DNAAF10: variants seen among roughly 807,000 people sequenced by gnomAD.
DNAAF10 encodes WD repeat domain 92.
DNAAF10 carries 28 observed loss-of-function variants against 43.7 expected under a neutral mutation model. The observed-to-expected ratio is 0.64, with a 90% CI of 0.48 to 0.88. The LOEUF is 0.88. Ranked by LOEUF, DNAAF10 falls within the 40% of genes least tolerant of loss-of-function variation. DNAAF10 has a pLI of 0.00. For synonymous variants in DNAAF10, 156 were observed against 157.3 expected, an observed-to-expected ratio of 0.99 and a Z score of 0.06; for missense variants, 403 against 439.1, an observed-to-expected ratio of 0.92 and a Z score of 0.73.
At position 68,144,573 on chromosome 2, in the gene DNAAF10, A is replaced by G; in HGVS notation, c.415+12T>C. On this transcript the variant is annotated intron_variant, in intron 3 of 7. Coordinates refer to ENST00000295121, the MANE Select transcript of DNAAF10 (RefSeq NM_138458.4). ...AATAAATAAACAAAATACATAGAAT[A>G]CAGGGACTCACCATCTCGGCTGCCA... 1 of 1,613,436 alleles carries G rather than the reference A, an allele frequency of 6.2e-7. No individual in the cohort carries two copies. Among genetic ancestry groups the G allele is most frequent in the Non-Finnish European group, 8.5e-7 (1 of 1,179,864 alleles).
chr2:68,155,380 GCTA>G (rs1370574221), intron 1 of DNAAF10, among the ~76,000 whole-genome samples: 5 of 151,750 alleles, frequency 3.3e-5, no homozygotes, highest in Admixed American at 6.6e-5. Context: ...TGTAATTCCA[GCTA>G]CTAGGGAGGC....
At chr2:68,134,514 A>G in intron 7 of DNAAF10, 188 bp downstream of exon 7, 2 of 1,423,038 alleles carry the variant, frequency 1.4e-6, no homozygotes, top group South Asian at 1.5e-5. Context: ...ATTAGTGTAC[A>G]CTCTACTAAG....
At chr2:68,137,158 TTG>T in intron 6 of DNAAF10, 139 bp downstream of exon 6, 1 of 922,466 alleles carries the variant, frequency 1.1e-6, no homozygotes, top group Non-Finnish European at 1.5e-6. Context: ...ACAGAAAAAC[TTG>T]TCAAGATCTC....
chr2:68,136,281 G>C (rs1166806297), intron 6 of DNAAF10, among the ~76,000 whole-genome samples: 5 of 150,272 alleles, frequency 3.3e-5, no homozygotes, highest in African/African-American at 7.3e-5. Flanking sequence ...ACACTATTAT[G>C]TATAGATAAT....
intron 4 of DNAAF10, 74 bp downstream of exon 4, chr2:68,141,620 A>T: frequency 7.5e-7 from 1 of 1,338,126 alleles, no homozygotes; most frequent in Non-Finnish European, 1.1e-6. Flanking sequence ...TAAAGAGACT[A>T]CTGTGAAATT....
At chr2:68,151,707 T>C (rs567881662) in intron 1 of DNAAF10, among the ~76,000 whole-genome samples, 1 of 152,334 alleles carries the variant, frequency 6.6e-6, no homozygotes, top group South Asian at 2.1e-4. Flanking sequence ...TCTTTTCTCC[T>C]ACCATACTTT....
In DNAAF10 at chr2:68,137,322, C is replaced by G; in HGVS notation, c.745G>C (p.Gly249Arg). The G allele has an allele frequency of 6.2e-7, 1 of 1,611,272 alleles. No individual in the cohort carries two copies. Among genetic ancestry groups the G allele is most frequent in the South Asian group, 1.1e-5 (1 of 90,420 alleles). The change falls in exon 6 of 8, where the codon GGT (glycine) becomes CGT (arginine). Residue 249 changes from glycine (G) to arginine (R), a missense_variant. Transcript: ENST00000295121. Reference protein sequence around the residue: ...FDMRTQHPTKGFASVSEKAHK... With the variant: ...FDMRTQHPTKRFASVSEKAHK... The stretch of plus-strand genomic sequence containing the variant: ...ACCTTTTCTGAAACAGAGGCAAAAC[C>G]TTTGGTTGGATGCTGTGTTCTCATG...
intron 7 of DNAAF10, among the ~76,000 whole-genome samples, chr2:68,133,770 T>C (rs1216757459): frequency 1.3e-5 from 2 of 152,020 alleles, no homozygotes; most frequent in African/African-American, 4.8e-5. Flanking sequence ...AGATAAAGCA[T>C]TCGATCTGCT....
At chr2:68,153,549 C>T (rs1349421478) in intron 1 of DNAAF10, among the ~76,000 whole-genome samples, 1 of 151,898 alleles carries the variant, frequency 6.6e-6, no homozygotes, top group Non-Finnish European at 1.5e-5. Flanking sequence ...ACTCCAGATG[C>T]AACAAAGTTG....
chr2:68,151,024 T>C (rs1378346710), intron 1 of DNAAF10, among the ~76,000 whole-genome samples: 3 of 152,198 alleles, frequency 2.0e-5, no homozygotes, highest in Non-Finnish European at 2.9e-5. Context: ...TGACAACCAG[T>C]CTACACAATA....
chr2:68,138,690 G>A (rs568418076), intron 5 of DNAAF10, 52 bp downstream of exon 5: 7 of 1,308,462 alleles, frequency 5.3e-6, no homozygotes, highest in South Asian at 2.4e-5. Flanking sequence ...ATAGTTCAGA[G>A]GTGAATGGAA....
chr2:68,157,231 G>A (rs766475683), intron 1 of DNAAF10, 30 bp downstream of exon 1: 3 of 1,595,914 alleles, frequency 1.9e-6, no homozygotes, highest in South Asian at 2.3e-5. Context: ...CGCCCCCAAC[G>A]GCAGTCCGGA....
At chr2:68,134,205 T>C (rs1424299902) in intron 7 of DNAAF10, 2 of 987,256 alleles carry the variant, frequency 2.0e-6, no homozygotes, top group Non-Finnish European at 2.4e-6. Context: ...GTTAGCGCCC[T>C]TGGGATTCAG....
intron 4 of DNAAF10, among the ~76,000 whole-genome samples, 193 bp downstream of exon 4, chr2:68,141,501 T>A (rs971829613): frequency 6.6e-6 from 1 of 152,246 alleles, no homozygotes; most frequent in Non-Finnish European, 1.5e-5. Context: ...CCAGGCCACA[T>A]GGCCAATAAG....
intron 1 of DNAAF10, among the ~76,000 whole-genome samples, chr2:68,154,421 T>C (rs1017168510): frequency 1.3e-5 from 2 of 151,470 alleles, no homozygotes; most frequent in Admixed American, 1.3e-4. Flanking sequence ...TGATTTTTTG[T>C]ATTTTTAGTA....
At chr2:68,149,287 T>C (rs770012340) in intron 1 of DNAAF10, among the ~76,000 whole-genome samples, 3 of 152,230 alleles carry the variant, frequency 2.0e-5, no homozygotes, top group African/African-American at 4.8e-5. Flanking sequence ...AACTTTCCTA[T>C]TGTTTGTGAT....
intron 1 of DNAAF10, 70 bp from the exon 2 acceptor site, chr2:68,147,637 A>C: frequency 9.0e-7 from 1 of 1,108,460 alleles, no homozygotes; most frequent in Non-Finnish European, 1.3e-6. Context: ...TTAATATCAT[A>C]TTTATGGCTC....
chr2:68,134,075 A>G, intron 7 of DNAAF10: 2 of 939,004 alleles, frequency 2.1e-6, no homozygotes, highest in Non-Finnish European at 2.5e-6. Flanking sequence ...ATTCAGAAAT[A>G]CCATTAACTC....
At chr2:68,137,159 T>G (rs1045316287) in intron 6 of DNAAF10, 140 bp downstream of exon 6, 1 of 927,888 alleles carries the variant, frequency 1.1e-6, no homozygotes, top group African/African-American at 1.7e-5. Flanking sequence ...CAGAAAAACT[T>G]GTCAAGATCT....
Sources: allele counts gnomAD v4.1 joint callset (sites outside exome capture counted in the v4.1 genomes callset), GRCh38; gene constraint gnomAD v4.1.1; transcripts MANE v1.5; gene names NCBI Gene and HGNC (gene_info 2026-07-23, HGNC 2026-07-21).